IPCEF1: variants seen among roughly 807,000 people sequenced by gnomAD.
The protein encoded by IPCEF1 is interaction protein for cytohesin exchange factors 1.
A neutral mutation model predicts 50.9 loss-of-function variants in IPCEF1; 31 were observed. The observed-to-expected ratio is 0.61, with a 90% confidence interval of 0.46 to 0.82. IPCEF1 has a LOEUF of 0.82. Ranked by LOEUF, IPCEF1 falls within the 40% of genes least tolerant of loss-of-function variation. The pLI, the probability that IPCEF1 is intolerant of heterozygous loss-of-function variation, is 0.00. For missense variants in IPCEF1, 458 were observed against 514.0 expected (o/e 0.89, Z 1.05); for synonymous variants, 181 against 192.0 (o/e 0.94, Z 0.47).
At chr6:154,295,104 G>A (rs763004512) in intron 1 of IPCEF1, among the ~76,000 whole-genome samples, 82 of 152,062 alleles carry the variant, frequency 5.4e-4, no homozygotes, top group African/African-American at 1.4e-3. Flanking sequence ...AAGCTGAGGC[G>A]GAAGAATGGC....
intron 10 of IPCEF1, among the ~76,000 whole-genome samples, chr6:154,183,781 G>A (rs1447223800): frequency 5.3e-5 from 8 of 151,848 alleles, no homozygotes; most frequent in South Asian, 2.1e-4. Flanking sequence ...CTCTAGCTAC[G>A]TGGGAGGCTG....
At chr6:154,321,804 A>C (rs906937240) in intron 1 of IPCEF1, among the ~76,000 whole-genome samples, 2 of 148,142 alleles carry the variant, frequency 1.4e-5, no homozygotes, top group African/African-American at 5.1e-5. Flanking sequence ...AAAAAAAAAA[A>C]AACCAAGGAA....
chr6:154,180,405 T>TAC (rs1562526647), intron 10 of IPCEF1, among the ~76,000 whole-genome samples: 1 of 41,956 alleles, frequency 2.4e-5, no homozygotes, highest in East Asian at 3.0e-3. Context: ...TATATATATA[T>TAC]ATATATATAT....
intron 1 of IPCEF1, among the ~76,000 whole-genome samples, chr6:154,322,224 G>A (rs1388419908): frequency 6.6e-6 from 1 of 152,020 alleles, no homozygotes; most frequent in Non-Finnish European, 1.5e-5. Flanking sequence ...CTGATGAAAA[G>A]GCCACCTACA....
At chr6:154,187,894 T>C (rs1801527000) in intron 10 of IPCEF1, among the ~76,000 whole-genome samples, 1 of 152,008 alleles carries the variant, frequency 6.6e-6, no homozygotes, top group African/African-American at 2.4e-5. Flanking sequence ...GTGGCAGAGG[T>C]GATGAAAAAG....
intron 1 of IPCEF1, among the ~76,000 whole-genome samples, chr6:154,297,693 C>T (rs546185818): frequency 6.6e-6 from 1 of 152,346 alleles, no homozygotes; most frequent in South Asian, 2.1e-4. Context: ...TTGTGCATTT[C>T]CTGTCCACTT....
At chr6:154,180,062 C>T (rs1293103667) in intron 10 of IPCEF1, among the ~76,000 whole-genome samples, 1 of 152,156 alleles carries the variant, frequency 6.6e-6, no homozygotes, top group Non-Finnish European at 1.5e-5. Flanking sequence ...AGAGTTACAA[C>T]TAGCACACTG....
rs1246031365 is a variant in IPCEF1 at position 154,242,756 on chromosome 6, G to A, written c.246+3835C>T. On this transcript the variant is annotated intron_variant, in intron 5 of 11. Coordinates refer to ENST00000367220, the MANE Select transcript of IPCEF1 (RefSeq NM_001130700.2). ...ACAAAAATTAGCGGGGCATGGTGGC[G>A]CACACCTGTAATCCCAGCTACTCAA... 6.6e-5 allele frequency among the ~76,000 whole-genome samples: 10 copies of A among 152,072 alleles called. No homozygotes were observed. The East Asian group carries it at 1.4e-3, about 21-fold the overall frequency.
chr6:154,307,458 A>C (rs1024998674), intron 1 of IPCEF1, among the ~76,000 whole-genome samples: 4 of 152,166 alleles, frequency 2.6e-5, no homozygotes, highest in African/African-American at 9.7e-5. Context: ...TAAATTGACC[A>C]GTCTCGGGTA....
chr6:154,170,025 G>A (rs1194296886), intron 10 of IPCEF1, among the ~76,000 whole-genome samples: 1 of 152,156 alleles, frequency 6.6e-6, no homozygotes, highest in Non-Finnish European at 1.5e-5. Flanking sequence ...TCAGCCTGTG[G>A]GAGCTAATAT....
At chr6:154,290,152 G>T (rs1238558772) in intron 1 of IPCEF1, among the ~76,000 whole-genome samples, 1 of 152,152 alleles carries the variant, frequency 6.6e-6, no homozygotes, top group African/African-American at 2.4e-5. Context: ...TGGCGAATGG[G>T]CCCAAGTATG....
chr6:154,282,691 A>T (rs1264402791), intron 2 of IPCEF1, among the ~76,000 whole-genome samples: 1 of 152,210 alleles, frequency 6.6e-6, no homozygotes, highest in Non-Finnish European at 1.5e-5. Context: ...CGTCTCAAAA[A>T]AAAAAGAACT....
chr6:154,309,622 T>TCCTGTAGTTTTTTTCATCTGC (rs1360722050), intron 1 of IPCEF1, among the ~76,000 whole-genome samples: 2 of 152,270 alleles, frequency 1.3e-5, no homozygotes, highest in Admixed American at 6.5e-5. Context: ...CTCTTCTCTG[T>TCCTGTAGTTTTTTTCATCTGC]CCTGTATTTT....
intron 1 of IPCEF1, among the ~76,000 whole-genome samples, chr6:154,310,113 G>A (rs1401606619): frequency 1.3e-5 from 2 of 152,142 alleles, no homozygotes; most frequent in East Asian, 3.8e-4. Context: ...TGTAAAAGAA[G>A]TCTGTTCCTA....
At chr6:154,311,979 T>A (rs1783089100) in intron 1 of IPCEF1, among the ~76,000 whole-genome samples, 1 of 151,846 alleles carries the variant, frequency 6.6e-6, no homozygotes, top group Non-Finnish European at 1.5e-5. Flanking sequence ...CCAAAAGAAA[T>A]GAAATCAGTA....
chr6:154,163,395 A>G (rs1479561057), intron 11 of IPCEF1, among the ~76,000 whole-genome samples: 1 of 152,214 alleles, frequency 6.6e-6, no homozygotes, highest in African/African-American at 2.4e-5. Context: ...TTTTACACAA[A>G]TTATGTCTTT....
chr6:154,312,112 T>C (rs891015984), intron 1 of IPCEF1, among the ~76,000 whole-genome samples: 2 of 152,172 alleles, frequency 1.3e-5, no homozygotes, highest in African/African-American at 2.4e-5. Context: ...ATATGCACAA[T>C]AGAATACACT....
At chr6:154,170,512 T>G (rs1246263800) in intron 10 of IPCEF1, among the ~76,000 whole-genome samples, 1 of 152,238 alleles carries the variant, frequency 6.6e-6, no homozygotes, top group Non-Finnish European at 1.5e-5. Flanking sequence ...AAAGCAAAGA[T>G]GATGCACTCA....
At position 154,338,486 on chromosome 6, in the gene IPCEF1, A is replaced by G. The variant is rs141864286; in HGVS notation, c.-62+18186T>C. ...CTGGGTTAAAATGAGCATATGTTTG[A>G]AAAGAGAAGGTCTTTAAATTGTTAT... is the stretch of plus-strand genomic sequence containing the variant. On this transcript the variant is annotated intron_variant, in intron 1 of 11. Coordinates refer to ENST00000367220, the MANE Select transcript of IPCEF1 (RefSeq NM_001130700.2). Among the ~76,000 whole-genome samples the G allele has an allele frequency of 8.9e-3, 1,357 of 152,296 alleles. 20 individuals are homozygous for G. Among genetic ancestry groups the G allele is most frequent in the African/African-American group, 0.031 (1,278 of 41,558 alleles).
Sources: allele counts gnomAD v4.1 joint callset (sites outside exome capture counted in the v4.1 genomes callset), GRCh38; gene constraint gnomAD v4.1.1; transcripts MANE v1.5; gene names NCBI Gene and HGNC (gene_info 2026-07-23, HGNC 2026-07-21).